ZZEF1: variants seen among roughly 807,000 people sequenced by gnomAD.
ZZEF1 encodes the protein zinc finger ZZ-type and EF-hand domain containing 1.
ZZEF1 carries 157 observed loss-of-function variants against 342.8 expected under a neutral mutation model. That is an observed-to-expected ratio of 0.46 (90% CI 0.40 to 0.52). The LOEUF (loss-of-function observed/expected upper bound fraction) is 0.52, where lower values mean the gene tolerates loss of function less well. Ranked by LOEUF, ZZEF1 falls within the 20% of genes least tolerant of loss-of-function variation. The pLI is 0.00. For synonymous variants in ZZEF1, 1,505 were observed against 1,429.1 expected, an observed-to-expected ratio of 1.05 and a Z score of -1.20; for missense variants, 3,480 against 3,725.6, an observed-to-expected ratio of 0.93 and a Z score of 1.72.
intron 1 of ZZEF1, among the ~76,000 whole-genome samples, chr17:4,128,482 CAG>C (rs1433526611): frequency 7.2e-6 from 1 of 139,786 alleles, no homozygotes; most frequent in South Asian, 2.5e-4. Context: ...AAATTTGACA[CAG>C]AGTTTAGTTC....
rs111809221 is a variant in ZZEF1 at position 4,065,147 on chromosome 17, T to C, written c.4250-318A>G. On this transcript the variant is annotated intron_variant, in intron 28 of 54. Transcript: ENST00000381638. Reference sequence around the variant, plus strand: ...GGCCTAGTGTGGTGGCTCACGCCTGTAATCCCAGCACTTTGGGAGGCCAAG... The same window carrying C: ...GGCCTAGTGTGGTGGCTCACGCCTGCAATCCCAGCACTTTGGGAGGCCAAG... 9.5e-4 allele frequency among the ~76,000 whole-genome samples: 145 copies of C among 152,352 alleles called. 2 individuals are homozygous for C. Among genetic ancestry groups the C allele is most frequent in the African/African-American group, 3.3e-3 (136 of 41,592 alleles).
intron 24 of ZZEF1, among the ~76,000 whole-genome samples, chr17:4,073,413 A>G (rs1237241612): frequency 6.6e-6 from 1 of 151,946 alleles, no homozygotes; most frequent in African/African-American, 2.4e-5. Flanking sequence ...TTAAATAAAC[A>G]ATTATACTGA....
chr17:4,074,391 G>C lies in ZZEF1; in HGVS notation c.3484-40C>G. On this transcript the variant is annotated intron_variant, in intron 23 of 54. Transcript: ENST00000381638. ...AAATCATGTGGTCAGACAGATTAGA[G>C]GAGGAGTGCTTCAGAAATCAGCATG... The C allele has an allele frequency of 1.9e-6, 3 of 1,600,366 alleles. No individual in the cohort carries two copies. In the South Asian group the frequency reaches 3.3e-5, roughly 18 times the overall value.
At chr17:4,009,017 C>A in intron 53 of ZZEF1, 63 bp from the exon 54 acceptor site, 1 of 1,506,944 alleles carries the variant, frequency 6.6e-7, no homozygotes, top group Non-Finnish European at 8.9e-7. Flanking sequence ...CTCTCCCAGA[C>A]CACCTGGGAC....
chr17:4,036,205 G>A (rs79631608), intron 39 of ZZEF1, among the ~76,000 whole-genome samples: 2,240 of 152,166 alleles, frequency 0.015, 48 homozygotes, highest in African/African-American at 0.052. Context: ...GATTCTCACC[G>A]TTAAAGACTG....
Position 4,022,813 on chromosome 17 carries a change from C to T in ZZEF1, c.7108G>A (p.Glu2370Lys). The T allele has an allele frequency of 6.2e-7, 1 of 1,613,738 alleles. No individual in the cohort carries two copies. The highest frequency in any genetic ancestry group is 8.5e-7 in the Non-Finnish European group (1 of 1,179,954). Residue 2370 changes from glutamate (E) to lysine (K), a missense_variant, in exon 44 of 55, where the codon GAG becomes AAG. Physicochemically the swap from Glu to Lys is moderately conservative, Grantham distance 56. This residue lies in a region of ZZEF1 where 1,269 missense variants were observed against 1,342.4 expected (regional missense o/e 0.95). Coordinates refer to ENST00000381638, the MANE Select transcript of ZZEF1 (RefSeq NM_015113.4). ...GTCTGAAGGAAAGTAGCACGGATCT[C>T]CTCAAAACCGTGAGCCTGCCAAGCA... The part of the protein sequence containing the change: ...YKTLKAHGFE[E>K]IRATFLQTDL...
Position 4,105,712 on chromosome 17 carries a change from A to G in ZZEF1, c.1375T>C (p.Phe459Leu). The G allele has an allele frequency of 6.2e-7, 1 of 1,613,168 alleles. No individual in the cohort carries two copies. The highest frequency in any genetic ancestry group is 8.5e-7 in the Non-Finnish European group (1 of 1,179,488). The change falls in exon 7 of 55, where the codon TTC (phenylalanine) becomes CTC (leucine). Residue 459 changes from phenylalanine to leucine, a missense_variant. Physicochemically the swap from Phe to Leu is conservative, Grantham distance 22. This residue lies in a region of ZZEF1 where 1,528 missense variants were observed against 1,624.1 expected (regional missense o/e 0.94). Coordinates refer to ENST00000381638, the MANE Select transcript of ZZEF1 (RefSeq NM_015113.4). ...SPNVLEEVDS[F>L]LIRITSCCST... ...TTTTACCTAGTTATCCTTATGAGGA[A>G]ACTGTCCACTTCTTCCAGCACATTA...
chr17:4,039,686 C>T (rs1567784782), intron 39 of ZZEF1, among the ~76,000 whole-genome samples: 1 of 148,600 alleles, frequency 6.7e-6, no homozygotes, highest in Non-Finnish European at 1.5e-5. Flanking sequence ...CTCTGTCGCC[C>T]AGGCTGGAGT....
chr17:4,099,470 C>T (rs1052335632), intron 9 of ZZEF1, among the ~76,000 whole-genome samples: 2 of 152,158 alleles, frequency 1.3e-5, no homozygotes, highest in African/African-American at 2.4e-5. Flanking sequence ...AATCCTCCCA[C>T]CTCTGCCTCC....
At chr17:4,044,468 A>G in intron 37 of ZZEF1, 94 bp from the exon 38 acceptor site, 1 of 1,223,150 alleles carries the variant, frequency 8.2e-7, no homozygotes, top group Non-Finnish European at 1.1e-6. Flanking sequence ...CAGTCTTCAT[A>G]GACTAAAAAA....
chr17:4,006,781 CAAGGAGAG>C lies in ZZEF1; in HGVS notation c.*101_*108del. 8.1e-7 allele frequency: 1 copy of C among 1,230,816 alleles called. No individual in the cohort carries two copies. Among genetic ancestry groups the C allele is most frequent in the Non-Finnish European group, 1.2e-6 (1 of 857,514 alleles). 76.2% of individuals were successfully genotyped at this position (1,230,816 alleles called of 1,614,324 possible). A position where few individuals can be genotyped will look rare whatever the true frequency, so the allele number is the denominator to read the frequency against. Reference sequence around the variant, plus strand: ...GGCATCCTAACTGGAGTGGTCAGCTCAAGGAGAGCTGGGCACTGGCGCTACAGGAGTTT... The same window carrying C: ...GGCATCCTAACTGGAGTGGTCAGCTCCTGGGCACTGGCGCTACAGGAGTTT... On this transcript the variant is annotated 3_prime_UTR_variant, in exon 55 of 55. Transcript: ENST00000381638.
At chr17:4,038,676 A>G (rs1487856797) in intron 39 of ZZEF1, among the ~76,000 whole-genome samples, 2 of 152,130 alleles carry the variant, frequency 1.3e-5, no homozygotes, top group Non-Finnish European at 2.9e-5. Flanking sequence ...GTGGTGGCAC[A>G]TTCCTGTAGT....
Position 4,021,210 on chromosome 17 carries a change from T to C in ZZEF1, c.7323A>G (p.Pro2441=), listed in dbSNP as rs986992666. 8 of 1,614,228 alleles carry C rather than the reference T, an allele frequency of 5.0e-6. No individual in the cohort carries two copies. In the Admixed American group the frequency reaches 1.3e-4, roughly 27 times the overall value. Residue 2441 remains proline (P), a synonymous_variant, in exon 45 of 55, where the codon CCA becomes CCG. Coordinates refer to ENST00000381638, the MANE Select transcript of ZZEF1 (RefSeq NM_015113.4). ...GCTCTGGGTCGCCAGGGCTGCTGAC[T>C]GGCCGTTCCACCTCTTCCTCTCGGT... ...RGDREEEVER[P]VSSPGDPEQK... is the part of the protein sequence containing the mutation.
chr17:4,068,554 T>C (rs938529203), intron 26 of ZZEF1, among the ~76,000 whole-genome samples: 2 of 133,276 alleles, frequency 1.5e-5, no homozygotes, highest in African/African-American at 6.5e-5. Flanking sequence ...CCCAAAGTGC[T>C]GGGATTACAG....
chr17:4,021,351 A>G, intron 44 of ZZEF1, 31 bp from the exon 45 acceptor site: 1 of 1,561,302 alleles, frequency 6.4e-7, no homozygotes, highest in Non-Finnish European at 8.7e-7. Context: ...GCTGAATGTG[A>G]GCACTCAGTG....
chr17:4,019,752 G>A lies in ZZEF1; in HGVS notation c.7422C>T (p.Leu2474=), dbSNP rs2056216839. The part of the protein sequence containing the change: ...RICFLMAHDA[L]NAPLHILRAI... ...CCCGGAGAATGTGCAGAGGGGCATT[G>A]AGGGCATCATGAGCCATCTGGAGGC... is the stretch of plus-strand genomic sequence containing the variant. The change falls in exon 46 of 55, where the codon CTC becomes CTT. Residue 2474 remains leucine (L), a synonymous_variant. Transcript: ENST00000381638. 1 of 1,610,704 alleles carries A rather than the reference G, an allele frequency of 6.2e-7. No homozygotes were observed. The highest frequency in any genetic ancestry group is 8.5e-7 in the Non-Finnish European group (1 of 1,179,118).
intron 16 of ZZEF1, 66 bp from the exon 17 acceptor site, chr17:4,082,570 G>A (rs8068804): frequency 0.32 from 472,775 of 1,484,398 alleles, 77,172 homozygotes; most frequent in African/African-American, 0.47. Flanking sequence ...GACCTAGAGC[G>A]GCAATGAAAC....
In ZZEF1 at chr17:4,074,268, A is replaced by G; in HGVS notation, c.3567T>C (p.Thr1189=). ...SSHNEWGYKF[T]VTACGLPDVA... is the part of the protein sequence containing the mutation. ...CATCGGGCAGCCCACAGGCAGTGACAGTGAATTTGTAGCCCCATTCGTTGT... is the reference window on the plus strand; with the variant it reads ...CATCGGGCAGCCCACAGGCAGTGACGGTGAATTTGTAGCCCCATTCGTTGT... The change falls in exon 24 of 55, where the codon ACT becomes ACC. Residue 1189 remains threonine (T), a synonymous_variant. Coordinates refer to ENST00000381638, the MANE Select transcript of ZZEF1 (RefSeq NM_015113.4). 6.2e-7 allele frequency: 1 copy of G among 1,614,176 alleles called. No homozygotes were observed. Among genetic ancestry groups the G allele is most frequent in the African/African-American group, 1.3e-5 (1 of 75,060 alleles).
Position 4,064,777 on chromosome 17 carries a change from G to A in ZZEF1, c.4302C>T (p.Gly1434=). The change falls in exon 29 of 55, where the codon GGC becomes GGT. Residue 1434 remains glycine (G), a synonymous_variant. Transcript: ENST00000381638. The part of the protein sequence containing the change: ...SLLLLKFLPT[G]ISSKESCEKL... ...TTTCGCAGCTTTCTTTTGAACTTATGCCCGTGGGCAGAAATTTTAGTAATA... is the reference window on the plus strand; with the variant it reads ...TTTCGCAGCTTTCTTTTGAACTTATACCCGTGGGCAGAAATTTTAGTAATA... The A allele has an allele frequency of 6.2e-7, 1 of 1,610,430 alleles. No homozygotes were observed. Among genetic ancestry groups the A allele is most frequent in the Non-Finnish European group, 8.5e-7 (1 of 1,178,676 alleles).
Sources: allele counts gnomAD v4.1 joint callset (sites outside exome capture counted in the v4.1 genomes callset), GRCh38; gene constraint gnomAD v4.1.1; regional missense constraint gnomAD v4.1.1; transcripts MANE v1.5; gene names NCBI Gene and HGNC (gene_info 2026-07-23, HGNC 2026-07-21).